Variants in VPS13A observed in about 807,000 individuals in gnomAD.
The protein encoded by VPS13A is vacuolar protein sorting 13 homolog A.
VPS13A carries 264 observed loss-of-function variants against 390.9 expected under a neutral mutation model. The ratio of observed to expected loss-of-function variants is 0.68; its 90% CI spans 0.61 to 0.75. The LOEUF (loss-of-function observed/expected upper bound fraction) is 0.75. VPS13A is among the 30% of genes least tolerant of loss of function. VPS13A has a pLI of 0.00. For synonymous variants in VPS13A, 1,231 were observed against 1,227.1 expected (o/e 1.00, Z -0.07); for missense variants, 3,409 against 3,733.9 (o/e 0.91, Z 2.27).
chr9:77,321,762 AT>A lies in VPS13A; in HGVS notation c.5830+18del, dbSNP rs765959434. ...ATTCTTCTTAGTAAGTAGTTGAAAA[AT>A]TACCTTCCTGGGGCTATTTTGTTTT... On this transcript the variant is annotated intron_variant, in intron 44 of 71. Coordinates refer to ENST00000360280, the MANE Select transcript of VPS13A (RefSeq NM_033305.3). The A allele has an allele frequency of 2.5e-6, 4 of 1,612,786 alleles. No homozygotes were observed. In the South Asian group the frequency reaches 4.4e-5, roughly 18 times the overall value.
chr9:77,212,889 G>T (rs567123315), intron 7 of VPS13A, 80 bp from the exon 8 acceptor site: 18 of 1,426,512 alleles, frequency 1.3e-5, no homozygotes, highest in Non-Finnish European at 1.7e-5. Flanking sequence ...TTGGTCTAGG[G>T]TATGGTAGAT....
intron 21 of VPS13A, 28 bp downstream of exon 21, chr9:77,250,257 T>C (rs1003800787): frequency 1.9e-6 from 3 of 1,610,568 alleles, no homozygotes; most frequent in Non-Finnish European, 2.5e-6. Flanking sequence ...TATTTGTTGA[T>C]TGATTTTGTT....
At position 77,286,284 on chromosome 9, in the gene VPS13A, G is replaced by A. The variant is rs994826625; in HGVS notation, c.3339+2634G>A. Reference sequence around the variant, plus strand: ...AGGCATGTTGGTCAGATGGGACATCGGGGAGGCAACACAACAAAACACCCT... The same window carrying A: ...AGGCATGTTGGTCAGATGGGACATCAGGGAGGCAACACAACAAAACACCCT... On this transcript the variant is annotated intron_variant, in intron 31 of 71. Coordinates refer to ENST00000360280, the MANE Select transcript of VPS13A (RefSeq NM_033305.3). Among the ~76,000 whole-genome samples the A allele has an allele frequency of 4.6e-5, 7 of 152,126 alleles. No individual in the cohort carries two copies. In the South Asian group the frequency reaches 6.2e-4, roughly 14 times the overall value.
At chr9:77,370,167 T>C in intron 63 of VPS13A, 90 bp from the exon 64 acceptor site, 2 of 1,400,472 alleles carry the variant, frequency 1.4e-6, no homozygotes, top group Non-Finnish European at 2.0e-6. Flanking sequence ...CCATTTTTGT[T>C]ACTACCTCTT....
Position 77,356,826 on chromosome 9 carries a change from CCTT to C in VPS13A, c.7767_7769del (p.Ser2590del). On this transcript the variant is annotated inframe_deletion, in exon 55 of 72. Coordinates refer to ENST00000360280, the MANE Select transcript of VPS13A (RefSeq NM_033305.3). ...ATTTAAGGAATATACTGAATCTTCTCCTTCAGAAGATAAGGTTATTCAGTTGGA... is the reference window on the plus strand; with the variant it reads ...ATTTAAGGAATATACTGAATCTTCTCCAGAAGATAAGGTTATTCAGTTGGA... 6.2e-7 allele frequency: 1 copy of C among 1,613,636 alleles called. No individual in the cohort carries two copies. Among genetic ancestry groups the C allele is most frequent in the Non-Finnish European group, 8.5e-7 (1 of 1,179,766 alleles).
Position 77,276,119 on chromosome 9 carries a change from A to G in VPS13A, c.2722A>G (p.Ile908Val), listed in dbSNP as rs1826653237. ...VGDCELSVVE[I>V]LVLGLGAEIE... ...AGATTGTGAACTATCTGTGGTAGAA[A>G]TTCTTGTTTTAGGATTGGGTGCAGA... Residue 908 changes from isoleucine to valine, a missense_variant, in exon 26 of 72, where the codon ATT (isoleucine) becomes GTT (valine). Transcript: ENST00000360280. 4 of 1,613,304 alleles carry G rather than the reference A, an allele frequency of 2.5e-6. No individual in the cohort carries two copies. The East Asian group carries it at 8.9e-5, about 36-fold the overall frequency.
intron 20 of VPS13A, among the ~76,000 whole-genome samples, chr9:77,249,228 C>A (rs1451477910): frequency 6.6e-6 from 1 of 152,138 alleles, no homozygotes; most frequent in Non-Finnish European, 1.5e-5. Context: ...CTTCCCTTAT[C>A]CTATTTTTAA....
At chr9:77,250,305 T>G in intron 21 of VPS13A, 76 bp downstream of exon 21, 1 of 1,508,014 alleles carries the variant, frequency 6.6e-7, no homozygotes, top group Non-Finnish European at 9.1e-7. Context: ...TTTGAAGACC[T>G]TCCTCTTAAA....
intron 67 of VPS13A, among the ~76,000 whole-genome samples, chr9:77,375,023 A>C (rs1832990148): frequency 6.6e-6 from 1 of 152,142 alleles, no homozygotes; most frequent in African/African-American, 2.4e-5. Flanking sequence ...GGGAAAAAGG[A>C]ATCATTCTCC....
chr9:77,337,654 G>A, intron 47 of VPS13A, 117 bp downstream of exon 47: 2 of 1,007,224 alleles, frequency 2.0e-6, no homozygotes, highest in African/African-American at 1.6e-5. Flanking sequence ...TACTAGTAAA[G>A]AATAGGTAAT....
chr9:77,409,539 T>C (rs1214516520), intron 71 of VPS13A, among the ~76,000 whole-genome samples: 3 of 151,988 alleles, frequency 2.0e-5, no homozygotes, highest in Admixed American at 6.5e-5. Context: ...GCAAGGAAGT[T>C]AAAAACCTTG....
rs773543955 is a variant in VPS13A, at chr9:77,250,227, T to A, written c.2168T>A (p.Val723Asp). 11 of 1,613,184 alleles carry A rather than the reference T, an allele frequency of 6.8e-6. No individual in the cohort carries two copies. The highest frequency in any genetic ancestry group is 9.3e-6 in the Non-Finnish European group (11 of 1,179,816). ...LTSVQLLYSR[V>D]GDNWREARKL... ...AGTGTACAGCTGCTTTACAGTAGAGTTGGTGAGTATAAAATGCATTATTTG... is the reference window on the plus strand; with the variant it reads ...AGTGTACAGCTGCTTTACAGTAGAGATGGTGAGTATAAAATGCATTATTTG... Residue 723 changes from valine to aspartate, a missense_variant and splice_region_variant, in exon 21 of 72, where the codon GTT becomes GAT. Val to Asp is a radical substitution (Grantham distance 152). This residue lies in a region of VPS13A where 2,717 missense variants were observed against 2,917.4 expected (regional missense o/e 0.93). Coordinates refer to ENST00000360280, the MANE Select transcript of VPS13A (RefSeq NM_033305.3).
intron 45 of VPS13A, among the ~76,000 whole-genome samples, chr9:77,329,757 A>G (rs1830190625): frequency 6.6e-6 from 1 of 152,230 alleles, no homozygotes; most frequent in African/African-American, 2.4e-5. Context: ...AATTCACAAT[A>G]AAGCAAAACA....
chr9:77,277,800 T>G (rs1386816331), intron 26 of VPS13A, among the ~76,000 whole-genome samples: 2 of 152,236 alleles, frequency 1.3e-5, no homozygotes, highest in Non-Finnish European at 2.9e-5. Context: ...GCACCACAGT[T>G]TATTTATCCA....
In VPS13A at chr9:77,307,925, A is replaced by C. The variant is rs751914698; in HGVS notation, c.3961-20A>C. ...ATGAAGTAGCAGTGCTAAAAAGAAC[A>C]AATCTTTTTTTTTTAACAGTTCATT... On this transcript the variant is annotated intron_variant, in intron 34 of 71. Coordinates refer to ENST00000360280, the MANE Select transcript of VPS13A (RefSeq NM_033305.3). 6.4e-7 allele frequency: 1 copy of C among 1,560,898 alleles called. No individual in the cohort carries two copies. Among genetic ancestry groups the C allele is most frequent in the South Asian group, 1.1e-5 (1 of 88,644 alleles).
chr9:77,360,674 G>A, intron 59 of VPS13A, 33 bp downstream of exon 59: 1 of 1,453,570 alleles, frequency 6.9e-7, no homozygotes, highest in Non-Finnish European at 9.6e-7. Context: ...TTGATGGAAA[G>A]GATTAGGGAA....
At chr9:77,332,730 C>A (rs1337759487) in intron 46 of VPS13A, among the ~76,000 whole-genome samples, 2 of 152,090 alleles carry the variant, frequency 1.3e-5, no homozygotes, top group Admixed American at 6.5e-5. Flanking sequence ...AAAATAATCT[C>A]TTATGTGGAA....
chr9:77,398,412 AATTTAG>A (rs1000606243), intron 68 of VPS13A, among the ~76,000 whole-genome samples: 1 of 152,160 alleles, frequency 6.6e-6, no homozygotes, highest in African/African-American at 2.4e-5. Context: ...AGATGGTGAA[AATTTAG>A]ATTTAGAAGA....
intron 5 of VPS13A, among the ~76,000 whole-genome samples, chr9:77,208,866 T>C (rs1297752112): frequency 2.0e-5 from 3 of 152,216 alleles, no homozygotes. Context: ...TGATTCTTTC[T>C]ATTTCTTTGG....
Sources: allele counts gnomAD v4.1 joint callset (sites outside exome capture counted in the v4.1 genomes callset), GRCh38; gene constraint gnomAD v4.1.1; regional missense constraint gnomAD v4.1.1; transcripts MANE v1.5; gene names NCBI Gene and HGNC (gene_info 2026-07-23, HGNC 2026-07-21).